The following SYN2 variants were observed in gnomAD, a reference collection of about 807,000 sequenced individuals.
SYN2 encodes the protein synapsin II.
SYN2 carries 19 observed loss-of-function variants against 50.9 expected under a neutral mutation model. That is an observed-to-expected ratio of 0.37 (90% CI 0.26 to 0.55). The LOEUF is 0.55. Among genes scored for constraint, SYN2 ranks in the 20% least tolerant of loss-of-function variants. The pLI, the probability that SYN2 is intolerant of heterozygous loss-of-function variation, is 0.81. For synonymous variants in SYN2, 255 were observed against 224.9 expected (o/e 1.13, Z -1.20); for missense variants, 587 against 576.4 (o/e 1.02, Z -0.19).
intron 1 of SYN2, among the ~76,000 whole-genome samples, chr3:12,061,077 A>G (rs1695104280): frequency 6.6e-6 from 1 of 152,198 alleles, no homozygotes; most frequent in Non-Finnish European, 1.5e-5. Context: ...GCTATAAGTA[A>G]AAACTGCAAC....
intron 1 of SYN2, among the ~76,000 whole-genome samples, chr3:12,060,387 C>A (rs1695087290): frequency 6.6e-6 from 1 of 152,138 alleles, no homozygotes; most frequent in Non-Finnish European, 1.5e-5. Context: ...CTACCAGAGT[C>A]TTATCCCACC....
rs145556365 is a variant in SYN2 at position 12,154,402 on chromosome 3, G to A, written c.774+3076G>A. The A allele has an allele frequency of 1.5e-5, 25 of 1,614,184 alleles. No homozygotes were observed. The African/African-American group carries it at 2.3e-4, about 15-fold the overall frequency. On this transcript the variant is annotated intron_variant, in intron 5 of 12. Transcript: ENST00000621198. ...CCAAGGACAGGTCCTCCCAGGGCTCGATGTAGTTGCACAGATGGATGAAGA... is the reference window on the plus strand; with the variant it reads ...CCAAGGACAGGTCCTCCCAGGGCTCAATGTAGTTGCACAGATGGATGAAGA...
At chr3:12,013,412 G>A (rs1373205571) in intron 1 of SYN2, among the ~76,000 whole-genome samples, 1 of 151,756 alleles carries the variant, frequency 6.6e-6, no homozygotes, top group Admixed American at 6.6e-5. Flanking sequence ...ATTCTCCCTG[G>A]TCCATCTACT....
Position 12,085,377 on chromosome 3 carries a change from A to ACG in SYN2, c.378-55273_378-55272insGC, listed in dbSNP as rs1348366965. Among the ~76,000 whole-genome samples the ACG allele has an allele frequency of 1.3e-4, 19 of 151,180 alleles. 1 individual carries two copies. Among genetic ancestry groups the ACG allele is most frequent in the African/African-American group, 3.9e-4 (16 of 40,930 alleles). On this transcript the variant is annotated intron_variant, in intron 1 of 12. Transcript: ENST00000621198. ...TACACACACACACACACACACACAC[A>ACG]CACGCACGCACGCACGCACTCGATG...
chr3:12,079,387 A>G (rs1005019174), intron 1 of SYN2, among the ~76,000 whole-genome samples: 3 of 152,168 alleles, frequency 2.0e-5, no homozygotes, highest in African/African-American at 7.2e-5. Context: ...GCTGGTTTTC[A>G]AGGGGAATGC....
chr3:12,115,352 T>G (rs1455067452), intron 1 of SYN2, among the ~76,000 whole-genome samples: 1 of 152,166 alleles, frequency 6.6e-6, no homozygotes, highest in Non-Finnish European at 1.5e-5. Flanking sequence ...ACTACCTACT[T>G]TAGAATCTAG....
rs148172283 is a variant in SYN2, at chr3:12,084,858, G to A, written c.378-55793G>A. The stretch of plus-strand genomic sequence containing the variant: ...CAAGATGTTTTATGTAAGCCTTACG[G>A]TAACCATGAGGCAAAAACCCCTAGT... On this transcript the variant is annotated intron_variant, in intron 1 of 12. Coordinates refer to ENST00000621198, the MANE Select transcript of SYN2 (RefSeq NM_133625.6). Among the ~76,000 whole-genome samples the A allele has an allele frequency of 3.2e-3, 482 of 152,104 alleles. 1 individual carries two copies. The highest frequency in any genetic ancestry group is 6.8e-3 in the Middle Eastern group (2 of 292).
In SYN2 at chr3:12,088,700, T is replaced by C. The variant is rs1469798747; in HGVS notation, c.378-51951T>C. Among the ~76,000 whole-genome samples, 7 of 152,214 alleles carry C rather than the reference T, an allele frequency of 4.6e-5. No homozygotes were observed. The East Asian group carries it at 1.2e-3, about 25-fold the overall frequency. The stretch of plus-strand genomic sequence containing the variant: ...AGTATATATACACAATGGAATACTA[T>C]ACAGCATTTACAAAGAAGGAATTTC... On this transcript the variant is annotated intron_variant, in intron 1 of 12. Coordinates refer to ENST00000621198, the MANE Select transcript of SYN2 (RefSeq NM_133625.6).
chr3:12,136,256 T>C (rs943804543), intron 1 of SYN2, among the ~76,000 whole-genome samples: 1 of 152,248 alleles, frequency 6.6e-6, no homozygotes, highest in African/African-American at 2.4e-5. Flanking sequence ...TCCAAAACTT[T>C]CATGTCATCT....
chr3:12,183,939 C>CT (rs1698283815), intron 11 of SYN2: 1 of 992,016 alleles, frequency 1.0e-6, no homozygotes, highest in South Asian at 4.6e-5. Flanking sequence ...CGCTTTCTTT[C>CT]TGCATGACTA....
intron 1 of SYN2, among the ~76,000 whole-genome samples, chr3:12,093,720 A>G (rs1695874819): frequency 6.6e-6 from 1 of 152,062 alleles, no homozygotes; most frequent in Non-Finnish European, 1.5e-5. Context: ...TCTTTTTTCT[A>G]GGTGTCCTGC....
chr3:12,177,310 A>AGG lies in SYN2; in HGVS notation c.1309-6001_1309-6000insGG, dbSNP rs777803199. On this transcript the variant is annotated intron_variant, in intron 10 of 12. Coordinates refer to ENST00000621198, the MANE Select transcript of SYN2 (RefSeq NM_133625.6). ...TCATAAACTTCCTTAAAACATTATG[A>AGG]GATATTTTGCAATTTTTTTAGCTTA... is the stretch of plus-strand genomic sequence containing the variant. Among the ~76,000 whole-genome samples, 4 of 151,836 alleles carry AGG rather than the reference A, an allele frequency of 2.6e-5. No individual in the cohort carries two copies. The South Asian group carries it at 8.4e-4, about 32-fold the overall frequency.
intron 4 of SYN2, among the ~76,000 whole-genome samples, chr3:12,149,464 G>A (rs1697227293): frequency 6.6e-6 from 1 of 152,240 alleles, no homozygotes; most frequent in African/African-American, 2.4e-5. Context: ...AAGGACCAAA[G>A]TCGGTGAGGA....
intron 1 of SYN2, among the ~76,000 whole-genome samples, chr3:12,092,699 T>C (rs1219923368): frequency 1.1e-4 from 17 of 152,206 alleles, no homozygotes; most frequent in Non-Finnish European, 1.5e-5. Flanking sequence ...AGACTGTGTT[T>C]CATATGTCAT....
At chr3:12,083,857 C>A (rs934263889) in intron 1 of SYN2, among the ~76,000 whole-genome samples, 2 of 152,200 alleles carry the variant, frequency 1.3e-5, no homozygotes, top group Non-Finnish European at 2.9e-5. Flanking sequence ...TATCTCCATT[C>A]AATCCCATAT....
In SYN2 at chr3:12,004,426, C is replaced by T. The variant is rs1464713620; in HGVS notation, c.-126C>T. On this transcript the variant is annotated 5_prime_UTR_variant, in exon 1 of 13. Transcript: ENST00000621198. ...TGTCTGCGGGGTCTGGTGCCGGGGC[C>T]TGAGTCTCTGCTGGCTAAGCCGCCG... 1.2e-5 allele frequency: 3 copies of T among 249,644 alleles called. No homozygotes were observed. Among genetic ancestry groups the T allele is most frequent in the African/African-American group, 7.0e-5 (3 of 42,816 alleles). The allele number at this position is 249,644 out of a possible 1,614,324, so 15.5% of individuals were successfully genotyped here.
intron 1 of SYN2, among the ~76,000 whole-genome samples, chr3:12,044,198 C>CAA: frequency 6.7e-6 from 1 of 149,898 alleles, no homozygotes; most frequent in Non-Finnish European, 1.5e-5. Flanking sequence ...CACACACACA[C>CAA]ACACACACAC....
chr3:12,144,890 G>A (rs1697111472), intron 3 of SYN2, among the ~76,000 whole-genome samples: 1 of 152,082 alleles, frequency 6.6e-6, no homozygotes, highest in Admixed American at 6.5e-5. Flanking sequence ...AATTATCTGA[G>A]CATATTGGTG....
At chr3:12,097,384 A>G (rs1695957467) in intron 1 of SYN2, among the ~76,000 whole-genome samples, 1 of 152,106 alleles carries the variant, frequency 6.6e-6, no homozygotes, top group African/African-American at 2.4e-5. Context: ...AGATGGGTGG[A>G]TAACGAGGTC....
Sources: gnomAD v4.1 joint callset for allele counts (sites outside exome capture counted in the v4.1 genomes callset) on GRCh38, gnomAD v4.1.1 for gene constraint, MANE v1.5 for transcripts, NCBI Gene and HGNC (gene_info 2026-07-23, HGNC 2026-07-21) for gene names.